DPF2: variants seen among roughly 807,000 people sequenced by gnomAD.
DPF2 encodes the protein zinc finger protein ubi-d4.
In DPF2, 10 loss-of-function variants were observed where a neutral mutation model predicts 59.6. The observed-to-expected ratio is 0.17, with a 90% CI of 0.10 to 0.28. The LOEUF (loss-of-function observed/expected upper bound fraction) is 0.28, where lower values mean the gene tolerates loss of function less well. Ranked by LOEUF, DPF2 falls within the 10% of genes least tolerant of loss-of-function variation. DPF2 has a pLI of 1.00. For synonymous variants in DPF2, 189 were observed against 190.6 expected, an observed-to-expected ratio of 0.99 and a Z score of 0.07; for missense variants, 315 against 509.4, an observed-to-expected ratio of 0.62 and a Z score of 3.67.
chr11:65,343,807 T>C lies in DPF2; in HGVS notation c.528T>C (p.Thr176=). ...ATGATGAAGACTATGAAGAAGATAC[T>C]CCCAAGCGTCGGGGAAAGGGGAAAT... ...DLDDEDYEED[T]PKRRGKGKSK... The change falls in exon 5 of 11, where the codon ACT becomes ACC. Residue 176 remains threonine, a synonymous_variant. Coordinates refer to ENST00000528416, the MANE Select transcript of DPF2 (RefSeq NM_006268.5). 2 of 1,590,108 alleles carry C rather than the reference T, an allele frequency of 1.3e-6. No individual in the cohort carries two copies. The highest frequency in any genetic ancestry group is 2.3e-5 in the East Asian group (1 of 43,922).
intron 4 of DPF2, 164 bp downstream of exon 4, chr11:65,341,726 G>T: frequency 3.3e-6 from 3 of 897,988 alleles, no homozygotes; most frequent in Non-Finnish European, 4.9e-6. Flanking sequence ...GGTACTGACT[G>T]GCTTCTCTGT....
intron 1 of DPF2, among the ~76,000 whole-genome samples, chr11:65,337,542 GAGA>G: frequency 2.3e-5 from 3 of 129,172 alleles, no homozygotes; most frequent in Admixed American, 1.7e-4. Context: ...GAGAGAGAGA[GAGA>G]GAACAATGTT....
chr11:65,343,451 T>C, intron 4 of DPF2: 1 of 408,574 alleles, frequency 2.4e-6, no homozygotes, highest in Non-Finnish European at 4.5e-6. Context: ...CATGGCTGCT[T>C]GTGGCATCAG....
intron 1 of DPF2, among the ~76,000 whole-genome samples, chr11:65,334,453 C>T (rs1296394981): frequency 6.6e-6 from 1 of 152,226 alleles, no homozygotes; most frequent in Non-Finnish European, 1.5e-5. Context: ...TACAAATATT[C>T]TTGGGAAGAA....
chr11:65,350,959 A>G (rs1353286821), intron 10 of DPF2, among the ~76,000 whole-genome samples: 1 of 151,736 alleles, frequency 6.6e-6, no homozygotes. Flanking sequence ...AGCCTGAGCA[A>G]CAGAGCGGAA....
chr11:65,346,342 G>A lies in DPF2; in HGVS notation c.1000G>A (p.Gly334Ser). 6.2e-7 allele frequency: 1 copy of A among 1,612,490 alleles called. No individual in the cohort carries two copies. Among genetic ancestry groups the A allele is most frequent in the Non-Finnish European group, 8.5e-7 (1 of 1,179,972 alleles). Residue 334 changes from glycine (G) to serine (S), a missense_variant, in exon 9 of 11, where the codon GGC (glycine) becomes AGC (serine). This residue lies in a region of DPF2 where 27 missense variants were observed against 125.8 expected (regional missense o/e 0.21). Coordinates refer to ENST00000528416, the MANE Select transcript of DPF2 (RefSeq NM_006268.5). The part of the protein sequence containing the change: ...CIECKCCNIC[G>S]TSENDDQLLF... ...CGAGTGCAAATGTTGCAATATCTGC[G>A]GCACCTCCGAGAATGACGTGTGTAT...
intron 10 of DPF2, among the ~76,000 whole-genome samples, chr11:65,350,647 G>A (rs995589506): frequency 4.6e-5 from 7 of 151,042 alleles, no homozygotes; most frequent in Non-Finnish European, 1.0e-4. Flanking sequence ...TTCCCAAAGT[G>A]CTGGGATTAC....
chr11:65,344,947 C>T (rs893730070), intron 6 of DPF2: 1 of 357,816 alleles, frequency 2.8e-6, no homozygotes, highest in Non-Finnish European at 5.1e-6. Flanking sequence ...TCATGTTCCC[C>T]ACTGCCCCAC....
chr11:65,335,729 C>T (rs1322932820), intron 1 of DPF2, among the ~76,000 whole-genome samples: 2 of 152,148 alleles, frequency 1.3e-5, no homozygotes, highest in African/African-American at 4.8e-5. Flanking sequence ...TATGGCACTT[C>T]TCTTGATTAT....
At chr11:65,341,708 T>A in intron 4 of DPF2, 146 bp downstream of exon 4, 2 of 1,081,262 alleles carry the variant, frequency 1.8e-6, no homozygotes, top group Non-Finnish European at 2.6e-6. Flanking sequence ...AGTCCCTGAT[T>A]ATTGTCAGGT....
intron 9 of DPF2, 83 bp from the exon 10 acceptor site, chr11:65,348,767 C>A: frequency 2.1e-6 from 3 of 1,400,404 alleles, no homozygotes; most frequent in Non-Finnish European, 2.0e-6. Flanking sequence ...CTACCTACCC[C>A]TCTTGGAAAT....
Position 65,337,844 on chromosome 11 carries a change from G to T in DPF2, c.33-2541G>T, listed in dbSNP as rs141478728. Among the ~76,000 whole-genome samples the T allele has an allele frequency of 2.6e-5, 4 of 151,696 alleles. No homozygotes were observed. In the South Asian group the frequency reaches 8.3e-4, roughly 32 times the overall value. On this transcript the variant is annotated intron_variant, in intron 1 of 10. Transcript: ENST00000528416. ...TTTGAGACAGAGTTTCGCTCTTGTT[G>T]CCCAGGCTGGAGTGCAATGGCGCAA...
chr11:65,344,854 G>C (rs1590935733), intron 6 of DPF2: 1 of 550,228 alleles, frequency 1.8e-6, no homozygotes, highest in East Asian at 3.0e-5. Flanking sequence ...CCAGTGCATG[G>C]GGTGGCTTCA....
At chr11:65,339,601 T>C (rs775488327) in intron 1 of DPF2, among the ~76,000 whole-genome samples, 2 of 152,200 alleles carry the variant, frequency 1.3e-5, no homozygotes, top group African/African-American at 2.4e-5. Context: ...CTTCCATAAA[T>C]GTAAAATTAA....
At position 65,343,856 on chromosome 11, in the gene DPF2, G is replaced by A. The variant is rs775863845; in HGVS notation, c.558+19G>A. On this transcript the variant is annotated intron_variant, in intron 5 of 10. Transcript: ENST00000528416. ...ATCCAAGGTGAGGGGCCAGCGTGCT[G>A]CCTGCATCTTGGGACAGGGTGGCCT... 24 of 1,582,958 alleles carry A rather than the reference G, an allele frequency of 1.5e-5. No individual in the cohort carries two copies. The highest frequency in any genetic ancestry group is 1.9e-5 in the Non-Finnish European group (22 of 1,163,194).
Position 65,341,526 on chromosome 11 carries a change from G to A in DPF2, c.429G>A (p.Leu143=), listed in dbSNP as rs767127230. 6.2e-6 allele frequency: 10 copies of A among 1,614,104 alleles called. No individual in the cohort carries two copies. In the South Asian group the frequency reaches 1.1e-4, roughly 18 times the overall value. The change falls in exon 4 of 11, where the codon CTG becomes CTA. Residue 143 remains leucine (L), a synonymous_variant. Transcript: ENST00000528416. The part of the protein sequence containing the change: ...APDPRVDDDS[L]GEFPVTNSRA... ...ATCCCCGAGTTGATGATGACAGCCT[G>A]GGCGAGTTTCCTGTGACCAACAGTC... is the stretch of plus-strand genomic sequence containing the variant.
Position 65,340,431 on chromosome 11 carries a change from T to C in DPF2, c.79T>C (p.Tyr27His), listed in dbSNP as rs2137691242. ...AGATGCCATGGAGCAGTGCCACAAT[T>C]ACAATGCTCGCCTCTGTGCTGAGCG... The part of the protein sequence containing the change: ...YKDAMEQCHN[Y>H]NARLCAERSV... The change falls in exon 2 of 11, where the codon TAC becomes CAC. Residue 27 changes from tyrosine to histidine, a missense_variant. By Grantham distance (83) the Tyr-to-His change is moderately conservative. Transcript: ENST00000528416. 6.2e-7 allele frequency: 1 copy of C among 1,614,244 alleles called. No individual in the cohort carries two copies. The highest frequency in any genetic ancestry group is 8.5e-7 in the Non-Finnish European group (1 of 1,180,034).
chr11:65,343,299 CAAAAAAAAAA>C (rs529933254), intron 4 of DPF2, among the ~76,000 whole-genome samples: 6 of 58,044 alleles, frequency 1.0e-4, no homozygotes, highest in South Asian at 1.3e-3. Flanking sequence ...AACTCTGTCT[CAAAAAAAAAA>C]AAAAAAAAAA....
At chr11:65,343,400 A>G (rs1854436914) in intron 4 of DPF2, 1 of 286,868 alleles carries the variant, frequency 3.5e-6, no homozygotes, top group Non-Finnish European at 6.6e-6. Flanking sequence ...AGAACCACCA[A>G]TAATGTGCTC....
Sources: gnomAD v4.1 joint callset for allele counts (sites outside exome capture counted in the v4.1 genomes callset) on GRCh38, gnomAD v4.1.1 for gene constraint, gnomAD v4.1.1 regional missense constraint, MANE v1.5 for transcripts, NCBI Gene and HGNC (gene_info 2026-07-23, HGNC 2026-07-21) for gene names.